The following RBPJ variants were observed in gnomAD, a reference collection of about 807,000 sequenced individuals.
The protein encoded by RBPJ is recombination signal binding protein for immunoglobulin kappa J region.
Under a neutral mutation model 67.8 loss-of-function variants are expected in RBPJ, and 9 were observed. That is an observed-to-expected ratio of 0.13 (90% confidence interval 0.08 to 0.23). The LOEUF (loss-of-function observed/expected upper bound fraction) is 0.23. Ranked by LOEUF, RBPJ falls within the 10% of genes least tolerant of loss-of-function variation. The pLI is 1.00. For synonymous variants in RBPJ, 198 were observed against 203.3 expected (o/e 0.97, Z 0.22); for missense variants, 305 against 595.6 (o/e 0.51, Z 5.08).
intron 1 of RBPJ, among the ~76,000 whole-genome samples, chr4:26,277,274 C>CAAAAAAAAAAAAAAA (rs754017128): frequency 1.8e-5 from 2 of 113,442 alleles, no homozygotes; most frequent in African/African-American, 3.1e-5. Context: ...CCTGTTTGTT[C>CAAAAAAAAAAAAAAA]AAAAAAAAAA....
intron 3 of RBPJ, chr4:26,409,981 C>T: frequency 2.3e-6 from 1 of 439,756 alleles, no homozygotes; most frequent in Non-Finnish European, 4.5e-6. Flanking sequence ...CAAAGTAGAC[C>T]TGCATTACTT....
intron 1 of RBPJ, among the ~76,000 whole-genome samples, chr4:26,300,474 G>A (rs1722039471): frequency 6.6e-6 from 1 of 152,174 alleles, no homozygotes; most frequent in Non-Finnish European, 1.5e-5. Context: ...TTGTTGTATT[G>A]TTTGAAACCT....
chr4:26,321,008 T>C, upstream of RBPJ: 1 of 1,613,244 alleles, frequency 6.2e-7, no homozygotes, highest in Non-Finnish European at 8.5e-7. Context: ...GGGTTGGAGT[T>C]TTGGCGAGAG....
intron 1 of RBPJ, among the ~76,000 whole-genome samples, chr4:26,191,597 G>T (rs1462122890): frequency 6.6e-6 from 1 of 152,196 alleles, no homozygotes; most frequent in African/African-American, 2.4e-5. Flanking sequence ...CCAGAGGAAA[G>T]CAGGAGCCAG....
chr4:26,187,272 G>T (rs1017828660), intron 1 of RBPJ, among the ~76,000 whole-genome samples: 1 of 152,054 alleles, frequency 6.6e-6, no homozygotes, highest in Non-Finnish European at 1.5e-5. Context: ...TTCTTTTACG[G>T]TCAGAAATCT....
At chr4:26,182,950 C>A (rs1717067041) in intron 1 of RBPJ, among the ~76,000 whole-genome samples, 1 of 152,184 alleles carries the variant, frequency 6.6e-6, no homozygotes, top group African/African-American at 2.4e-5. Context: ...CTGTCATCTC[C>A]TATGATAACA....
the RBPJ span, among the ~76,000 whole-genome samples, chr4:26,142,732 A>G: frequency 3.3e-5 from 5 of 152,178 alleles, no homozygotes; most frequent in African/African-American, 1.2e-4. Flanking sequence ...AAGAATAGGC[A>G]TTCAAGAAGC....
At chr4:26,216,642 T>C (rs1718731283) in intron 1 of RBPJ, among the ~76,000 whole-genome samples, 1 of 151,866 alleles carries the variant, frequency 6.6e-6, no homozygotes. Context: ...AGGGCGAGCA[T>C]AGTGGCTCAT....
chr4:26,377,813 G>A (rs886894840), intron 1 of RBPJ, among the ~76,000 whole-genome samples: 2 of 152,190 alleles, frequency 1.3e-5, no homozygotes, highest in African/African-American at 4.8e-5. Flanking sequence ...ATCAGTTGAT[G>A]TGTAGAGAAT....
At chr4:26,322,531 G>C (rs373237308) in intron 1 of RBPJ, among the ~76,000 whole-genome samples, 55 of 152,210 alleles carry the variant, frequency 3.6e-4, no homozygotes, top group African/African-American at 1.2e-3. Flanking sequence ...CAACCCTTCT[G>C]TCCCATCATT....
At position 26,432,337 on chromosome 4, in the gene RBPJ, C is replaced by T. The variant is rs1230631618; in HGVS notation, c.*1330C>T. On this transcript the variant is annotated 3_prime_UTR_variant, in exon 11 of 11. Coordinates refer to ENST00000355476, the MANE Select transcript of RBPJ (RefSeq NM_015874.6). ...CAACTAAAATAGCTGGAAGACAGTA[C>T]TTTAGAAACAGATAGTTGTAAGATT... 1 of 152,172 alleles carries T rather than the reference C, an allele frequency of 6.6e-6. No homozygotes were observed. Among genetic ancestry groups the T allele is most frequent in the African/African-American group, 2.4e-5 (1 of 41,450 alleles). The allele number at this position is 152,172 out of a possible 1,614,324, so 9.4% of individuals were successfully genotyped here.
At chr4:26,387,136 C>T (rs563097938) in intron 2 of RBPJ, among the ~76,000 whole-genome samples, 1 of 152,248 alleles carries the variant, frequency 6.6e-6, no homozygotes, top group South Asian at 2.1e-4. Context: ...CCCTTAATGG[C>T]TCCATGGTTT....
intron 1 of RBPJ, among the ~76,000 whole-genome samples, chr4:26,245,254 G>C (rs1719890903): frequency 7.0e-6 from 1 of 142,834 alleles, no homozygotes; most frequent in Non-Finnish European, 1.5e-5. Flanking sequence ...GCTCACACAG[G>C]CTGGAGTCCA....
intron 1 of RBPJ, among the ~76,000 whole-genome samples, chr4:26,198,394 A>G (rs1324960325): frequency 6.6e-6 from 1 of 152,230 alleles, no homozygotes; most frequent in South Asian, 2.1e-4. Context: ...TCAAGGGTTC[A>G]TTGCTGTATC....
intron 1 of RBPJ, among the ~76,000 whole-genome samples, chr4:26,328,862 C>A (rs1303776161): frequency 6.6e-6 from 1 of 152,110 alleles, no homozygotes; most frequent in Non-Finnish European, 1.5e-5. Flanking sequence ...GTTTTCCAGG[C>A]TGGTCCAGAG....
intron 1 of RBPJ, among the ~76,000 whole-genome samples, chr4:26,292,017 C>A (rs1310652894): frequency 6.6e-6 from 1 of 150,790 alleles, no homozygotes; most frequent in African/African-American, 2.4e-5. Context: ...ATGATTACCA[C>A]AATCAAGTTA....
At chr4:26,416,984 A>G (rs1442981633) in intron 4 of RBPJ, among the ~76,000 whole-genome samples, 1 of 152,222 alleles carries the variant, frequency 6.6e-6, no homozygotes, top group Non-Finnish European at 1.5e-5. Flanking sequence ...CACTAAAACT[A>G]TTTCTAAATT....
chr4:26,197,783 A>G (rs1211250274), intron 1 of RBPJ, among the ~76,000 whole-genome samples: 1 of 151,990 alleles, frequency 6.6e-6, no homozygotes, highest in Non-Finnish European at 1.5e-5. Flanking sequence ...TTCTCTCCAA[A>G]GAGAGAATAG....
At chr4:26,419,459 GT>G (rs1304657529) in intron 4 of RBPJ, among the ~76,000 whole-genome samples, 4 of 152,154 alleles carry the variant, frequency 2.6e-5, no homozygotes, top group Non-Finnish European at 5.9e-5. Context: ...TATTGCAGTA[GT>G]TTTGTCTGCT....
Sources: gnomAD v4.1 joint callset for allele counts (sites outside exome capture counted in the v4.1 genomes callset) on GRCh38, gnomAD v4.1.1 for gene constraint, MANE v1.5 for transcripts, NCBI Gene and HGNC (gene_info 2026-07-23, HGNC 2026-07-21) for gene names.